ABCC1: variants seen among roughly 807,000 people sequenced by gnomAD.
ABCC1 encodes the protein ATP binding cassette subfamily C member 1 (ABCC1 blood group), also known as multidrug resistance-associated protein 1.
A neutral mutation model predicts 172.9 loss-of-function variants in ABCC1; 83 were observed. The ratio of observed to expected loss-of-function variants is 0.48; its 90% CI spans 0.40 to 0.58. The LOEUF is 0.58. Among genes scored for constraint, ABCC1 ranks in the 20% least tolerant of loss-of-function variants. The pLI is 0.00. For synonymous variants in ABCC1, 937 were observed against 825.2 expected (o/e 1.14, Z -2.32); for missense variants, 1,817 against 2,002.7 (o/e 0.91, Z 1.77).
At chr16:15,994,341 A>G (rs1423957030) in intron 1 of ABCC1, among the ~76,000 whole-genome samples, 1 of 152,114 alleles carries the variant, frequency 6.6e-6, no homozygotes, top group Non-Finnish European at 1.5e-5. Context: ...TGTTTCTTCT[A>G]GGTTGACGAG....
At position 16,080,981 on chromosome 16, in the gene ABCC1, C is replaced by T. The variant is rs566222854; in HGVS notation, c.2115+1503C>T. Among the ~76,000 whole-genome samples, 25 of 152,248 alleles carry T rather than the reference C, an allele frequency of 1.6e-4. No individual in the cohort carries two copies. The South Asian group carries it at 3.7e-3, about 23-fold the overall frequency. On this transcript the variant is annotated intron_variant, in intron 16 of 30. Transcript: ENST00000399410. Reference sequence around the variant, plus strand: ...CTGGGTTCAACCGATTCTTCTGTCTCAGCCTCTTGAGTAGCTGGGATTATA... The same window carrying T: ...CTGGGTTCAACCGATTCTTCTGTCTTAGCCTCTTGAGTAGCTGGGATTATA...
intron 1 of ABCC1, among the ~76,000 whole-genome samples, chr16:15,950,378 T>TG (rs1380670695): frequency 1.3e-5 from 2 of 151,878 alleles, no homozygotes; most frequent in African/African-American, 4.8e-5. Context: ...GGGGGAAGTT[T>TG]GGGGGAACCA....
rs759460426 is a variant in ABCC1 at position 16,124,752 on chromosome 16, T to A, written c.3591-37T>A. The A allele has an allele frequency of 6.8e-6, 11 of 1,613,506 alleles. No individual in the cohort carries two copies. In the Admixed American group the frequency reaches 1.8e-4, roughly 27 times the overall value. ...TAAGCCAAGTCTCTGTAGAGCTGAC[T>A]CCATGCCTGTTTGTCTGCCTGTGTG... On this transcript the variant is annotated intron_variant, in intron 24 of 30. Transcript: ENST00000399410.
At chr16:16,113,116 T>G (rs2044693431) in intron 22 of ABCC1, among the ~76,000 whole-genome samples, 1 of 152,074 alleles carries the variant, frequency 6.6e-6, no homozygotes, top group Non-Finnish European at 1.5e-5. Context: ...CTCCAGGAGG[T>G]GGCTTTGGGA....
chr16:16,038,909 G>A (rs2048856735), intron 7 of ABCC1, among the ~76,000 whole-genome samples: 1 of 152,170 alleles, frequency 6.6e-6, no homozygotes. Context: ...CATGGGAGAG[G>A]CCAATATCAC....
intron 1 of ABCC1, among the ~76,000 whole-genome samples, chr16:15,994,623 C>A (rs898553423): frequency 1.3e-5 from 2 of 152,046 alleles, no homozygotes; most frequent in African/African-American, 2.4e-5. Context: ...AACTAGCTTT[C>A]TTATTATTAT....
intron 12 of ABCC1, among the ~76,000 whole-genome samples, chr16:16,058,553 T>TAAGGCAAGA (rs902682061): frequency 6.6e-6 from 1 of 152,228 alleles, no homozygotes; most frequent in African/African-American, 2.4e-5. Context: ...ATTTTCTTAG[T>TAAGGCAAGA]CTTGCCTTAC....
chr16:15,950,422 C>T (rs899126771), intron 1 of ABCC1, among the ~76,000 whole-genome samples: 24 of 152,228 alleles, frequency 1.6e-4, no homozygotes, highest in Admixed American at 4.6e-4. Context: ...TTGATGTGCC[C>T]TACCTGACCC....
Position 16,111,511 on chromosome 16 carries a change from C to A in ABCC1, c.3008C>A (p.Pro1003His). 1 of 1,614,186 alleles carries A rather than the reference C, an allele frequency of 6.2e-7. No homozygotes were observed. The highest frequency in any genetic ancestry group is 8.5e-7 in the Non-Finnish European group (1 of 1,180,036). Residue 1003 changes from proline (P) to histidine (H), a missense_variant, in exon 22 of 31, where the codon CCC (proline) becomes CAC (histidine). Pro to His is a moderately conservative substitution (Grantham distance 77). This residue lies in a region of ABCC1 where 1,412 missense variants were observed against 1,600.3 expected (regional missense o/e 0.88). Transcript: ENST00000399410. ...NYWLSLWTDD[P>H]IVNGTQEHTK... ...TGGCTCAGCCTCTGGACTGATGACCCCATCGTCAACGGGACTCAGGAGCAC... is the reference window on the plus strand; with the variant it reads ...TGGCTCAGCCTCTGGACTGATGACCACATCGTCAACGGGACTCAGGAGCAC...
intron 21 of ABCC1, among the ~76,000 whole-genome samples, chr16:16,108,552 G>A (rs1044918740): frequency 6.6e-6 from 1 of 150,960 alleles, no homozygotes; most frequent in Non-Finnish European, 1.5e-5. Flanking sequence ...TGGGATTATA[G>A]GCATGAGCCA....
At chr16:15,991,610 C>T (rs866791233) in intron 1 of ABCC1, among the ~76,000 whole-genome samples, 12 of 150,446 alleles carry the variant, frequency 8.0e-5, no homozygotes, top group East Asian at 3.9e-4. Flanking sequence ...GTAGACTCTG[C>T]GGTGTCACAA....
chr16:15,977,340 C>T (rs2046517050), intron 1 of ABCC1, among the ~76,000 whole-genome samples: 1 of 152,184 alleles, frequency 6.6e-6, no homozygotes, highest in Non-Finnish European at 1.5e-5. Context: ...CTGGCTCTGG[C>T]CTGTCTTCCC....
chr16:16,005,803 C>A (rs1481558303), intron 1 of ABCC1, among the ~76,000 whole-genome samples: 6 of 151,284 alleles, frequency 4.0e-5, no homozygotes, highest in East Asian at 2.0e-4. Context: ...ACTAAAAATT[C>A]AAAAAAAATT....
intron 19 of ABCC1, 114 bp from the exon 20 acceptor site, chr16:16,102,513 C>T (rs2051807628): frequency 2.2e-6 from 2 of 894,576 alleles, no homozygotes; most frequent in South Asian, 1.6e-5. Context: ...TCTGATCATC[C>T]TGGCGGCCAG....
At chr16:16,030,229 A>G (rs1182671914) in intron 5 of ABCC1, among the ~76,000 whole-genome samples, 1 of 152,140 alleles carries the variant, frequency 6.6e-6, no homozygotes, top group East Asian at 1.9e-4. Flanking sequence ...ATTTGTGTAC[A>G]TAAACATGTA....
chr16:16,015,149 T>C (rs1382171594), intron 4 of ABCC1, among the ~76,000 whole-genome samples: 2 of 150,514 alleles, frequency 1.3e-5, no homozygotes, highest in African/African-American at 4.9e-5. Context: ...TTTTTTTTTT[T>C]GCTGTTGTTG....
chr16:16,010,060 T>TTTTTTTA (rs869032140), intron 3 of ABCC1, among the ~76,000 whole-genome samples, 159 bp downstream of exon 3: 2 of 139,910 alleles, frequency 1.4e-5, no homozygotes, highest in African/African-American at 2.7e-5. Flanking sequence ...TTTTTTTTTT[T>TTTTTTTA]AAAGACATGA....
At chr16:15,959,809 G>C (rs1468127207) in intron 1 of ABCC1, among the ~76,000 whole-genome samples, 1 of 152,186 alleles carries the variant, frequency 6.6e-6, no homozygotes, top group African/African-American at 2.4e-5. Flanking sequence ...CAGGGAGGGT[G>C]CCCCTAGGCT....
intron 1 of ABCC1, among the ~76,000 whole-genome samples, chr16:15,956,326 T>G (rs548922248): frequency 6.6e-6 from 1 of 151,758 alleles, no homozygotes; most frequent in South Asian, 2.1e-4. Context: ...GATCGCGCCA[T>G]TGCACTCCAG....
Sources: gnomAD v4.1 joint callset for allele counts (sites outside exome capture counted in the v4.1 genomes callset) on GRCh38, gnomAD v4.1.1 for gene constraint, gnomAD v4.1.1 regional missense constraint, MANE v1.5 for transcripts, NCBI Gene and HGNC (gene_info 2026-07-23, HGNC 2026-07-21) for gene names.